The following SPC25 variants were observed in gnomAD, a reference collection of about 807,000 sequenced individuals.
SPC25 encodes kinetochore protein Spc25.
A neutral mutation model predicts 29.6 loss-of-function variants in SPC25; 22 were observed. That is an observed-to-expected ratio of 0.74 (90% CI 0.53 to 1.06). The LOEUF is 1.06. Ranked by LOEUF, SPC25 falls within the 50% of genes least tolerant of loss-of-function variation. The pLI is 0.00. For missense variants in SPC25, 230 were observed against 255.8 expected (o/e 0.90, Z 0.69); for synonymous variants, 91 against 90.4 (o/e 1.01, Z -0.04).
downstream of SPC25, among the ~76,000 whole-genome samples, chr2:168,869,122 T>A (rs192966558): frequency 9.3e-4 from 141 of 152,246 alleles, no homozygotes; most frequent in Middle Eastern, 3.4e-3. Flanking sequence ...ATTATCTCAA[T>A]AGATGCGGAA....
chr2:168,888,136 G>C lies in SPC25; in HGVS notation c.199+1090C>G, dbSNP rs567977741. 7.3e-4 allele frequency among the ~76,000 whole-genome samples: 111 copies of C among 152,316 alleles called. 1 individual carries two copies. The highest frequency in any genetic ancestry group is 2.6e-3 in the African/African-American group (107 of 41,568). On this transcript the variant is annotated intron_variant, in intron 3 of 6. Transcript: ENST00000282074. Reference sequence around the variant, plus strand: ...TCTACAAAAAATATGAAATTAGCCAGGCATGCTGGTGTGCACCAGTGGTCC... The same window carrying C: ...TCTACAAAAAATATGAAATTAGCCACGCATGCTGGTGTGCACCAGTGGTCC...
At position 168,876,148 on chromosome 2, in the gene SPC25, T is replaced by C; in HGVS notation, c.375A>G (p.Ala125=). ...ATTTCTGCAGCCTTTTCAACCTCTCTGCATTCGCTTTATTAGCAGTAGAAA... is the reference window on the plus strand; with the variant it reads ...ATTTCTGCAGCCTTTTCAACCTCTCCGCATTCGCTTTATTAGCAGTAGAAA... The part of the protein sequence containing the change: ...ETISTANKAN[A]ERLKRLQKSA... Residue 125 remains alanine (A), a synonymous_variant, in exon 5 of 7, where the codon GCA becomes GCG. Transcript: ENST00000282074. 6.4e-7 allele frequency: 1 copy of C among 1,571,816 alleles called. No homozygotes were observed.
intron 3 of SPC25, among the ~76,000 whole-genome samples, 170 bp downstream of exon 3, chr2:168,889,056 T>TAC (rs1198868020): frequency 1.4e-4 from 14 of 100,560 alleles, no homozygotes; most frequent in African/African-American, 5.0e-4. Flanking sequence ...CACATATATA[T>TAC]ACATATATAT....
chr2:168,886,507 C>A (rs1314649186), intron 3 of SPC25, among the ~76,000 whole-genome samples: 1 of 151,358 alleles, frequency 6.6e-6, no homozygotes, highest in African/African-American at 2.4e-5. Flanking sequence ...TATTTCTGTT[C>A]AAGTATAAAC....
chr2:168,868,034 C>T (rs577603108), downstream of SPC25, among the ~76,000 whole-genome samples: 718 of 151,966 alleles, frequency 4.7e-3, 2 homozygotes, highest in South Asian at 0.014. Context: ...CAAACTAGAA[C>T]GCAGGATTAA....
At chr2:168,864,910 T>G in intron 4 of SPC25, 1 of 1,614,108 alleles carries the variant, frequency 6.2e-7, no homozygotes, top group South Asian at 1.1e-5. Context: ...AAGGCCATTT[T>G]CCTGCCGCTT....
chr2:168,868,937 C>T (rs1689926677), downstream of SPC25, among the ~76,000 whole-genome samples: 2 of 152,180 alleles, frequency 1.3e-5, no homozygotes, highest in East Asian at 3.8e-4. Flanking sequence ...CCTTGATGAA[C>T]ATTGATGCAA....
At chr2:168,867,193 C>A (rs541523591), downstream of SPC25, among the ~76,000 whole-genome samples, 1 of 152,086 alleles carries the variant, frequency 6.6e-6, no homozygotes, top group Non-Finnish European at 1.5e-5. Context: ...TATTGCAGCA[C>A]TATTCACAAT....
intron 4 of SPC25, among the ~76,000 whole-genome samples, chr2:168,877,035 GA>G (rs1690098716): frequency 6.6e-6 from 1 of 152,046 alleles, no homozygotes; most frequent in Non-Finnish European, 1.5e-5. Flanking sequence ...AATAACAAGA[GA>G]AGGCCCTTTA....
chr2:168,875,245 G>A (rs575365867), intron 5 of SPC25, among the ~76,000 whole-genome samples: 3 of 152,260 alleles, frequency 2.0e-5, no homozygotes, highest in Non-Finnish European at 2.9e-5. Flanking sequence ...TATGTAAACA[G>A]ATGCTCCTTG....
Position 168,889,756 on chromosome 2 carries a change from G to T in SPC25, c.-14-223C>A, listed in dbSNP as rs116122866. Among the ~76,000 whole-genome samples, 1,006 of 152,222 alleles carry T rather than the reference G, an allele frequency of 6.6e-3. 15 individuals are homozygous for T. The highest frequency in any genetic ancestry group is 0.024 in the African/African-American group (977 of 41,530). On this transcript the variant is annotated intron_variant, in intron 1 of 6. Coordinates refer to ENST00000282074, the MANE Select transcript of SPC25 (RefSeq NM_020675.4). ...TTACCTCCTAGCAGCTTGTTAGTAG[G>T]TAAGTGTAACTGCACAGGACACTCA...
chr2:168,889,284 C>T lies in SPC25; in HGVS notation c.141G>A (p.Leu47=). The change falls in exon 3 of 7, where the codon CTG becomes CTA. Residue 47 remains leucine (L), a synonymous_variant. Coordinates refer to ENST00000282074, the MANE Select transcript of SPC25 (RefSeq NM_020675.4). ...GTTCTTCTTCCTTTAATTTCACAGACAGCTTTTCTGAAAGAGAAATTGAAC... is the reference window on the plus strand; with the variant it reads ...GTTCTTCTTCCTTTAATTTCACAGATAGCTTTTCTGAAAGAGAAATTGAAC... ...KDSIKAFAEK[L]SVKLKEEERM... is the part of the protein sequence containing the mutation. 4.3e-6 allele frequency: 7 copies of T among 1,613,748 alleles called. No individual in the cohort carries two copies. The highest frequency in any genetic ancestry group is 5.9e-6 in the Non-Finnish European group (7 of 1,179,920).
At chr2:168,864,779 G>C in intron 4 of SPC25, 1 of 1,599,518 alleles carries the variant, frequency 6.3e-7, no homozygotes, top group African/African-American at 1.3e-5. Flanking sequence ...TATCAATCGG[G>C]CTGAGGCATG....
intron 4 of SPC25, chr2:168,862,056 A>C: frequency 6.2e-7 from 1 of 1,612,038 alleles, no homozygotes; most frequent in Non-Finnish European, 8.5e-7. Context: ...AAGGGTAAGA[A>C]TCATTCTCAA....
chr2:168,875,628 TG>T (rs1449576107), intron 5 of SPC25, among the ~76,000 whole-genome samples: 1 of 152,090 alleles, frequency 6.6e-6, no homozygotes, highest in Non-Finnish European at 1.5e-5. Flanking sequence ...CGTGAATAAG[TG>T]GGGATGACTG....
At chr2:168,864,848 A>C in intron 4 of SPC25, 1 of 1,613,972 alleles carries the variant, frequency 6.2e-7, no homozygotes, top group Non-Finnish European at 8.5e-7. Flanking sequence ...CATTGTGATT[A>C]TACACGAGAA....
At chr2:168,884,939 T>C (rs1333076475) in intron 3 of SPC25, 1 of 152,160 alleles carries the variant, frequency 6.6e-6, no homozygotes, top group African/African-American at 2.4e-5. Flanking sequence ...ATAAATATTA[T>C]TACTAACCAA....
At chr2:168,866,643 A>C (rs1377653756), downstream of SPC25, among the ~76,000 whole-genome samples, 2 of 152,168 alleles carry the variant, frequency 1.3e-5, no homozygotes, top group Admixed American at 6.5e-5. Flanking sequence ...TAATTAAACT[A>C]AAGAGCTTCT....
At chr2:168,881,138 T>C (rs1690172186) in intron 3 of SPC25, among the ~76,000 whole-genome samples, 2 of 152,226 alleles carry the variant, frequency 1.3e-5, no homozygotes, top group African/African-American at 4.8e-5. Context: ...GGTATCCATG[T>C]ACCAAAATAC....
Sources: gnomAD v4.1 joint callset for allele counts (sites outside exome capture counted in the v4.1 genomes callset) on GRCh38, gnomAD v4.1.1 for gene constraint, MANE v1.5 for transcripts, NCBI Gene and HGNC (gene_info 2026-07-23, HGNC 2026-07-21) for gene names.